Variants in ZFP90 observed in about 807,000 individuals in gnomAD.
The protein encoded by ZFP90 is zinc finger protein 90 homolog.
A neutral mutation model predicts 60.8 loss-of-function variants in ZFP90; 38 were observed. The ratio of observed to expected loss-of-function variants is 0.62; its 90% confidence interval spans 0.48 to 0.82. ZFP90 has a LOEUF of 0.82. Ranked by LOEUF, ZFP90 falls within the 40% of genes least tolerant of loss-of-function variation. The probability of loss-of-function intolerance (pLI) is 0.00; values close to 1 mark genes in which losing one functional copy is unlikely to be tolerated. For missense variants in ZFP90, 711 were observed against 759.1 expected (o/e 0.94, Z 0.74); for synonymous variants, 287 against 264.8 (o/e 1.08, Z -0.82).
chr16:68,562,463 C>A, intron 4 of ZFP90: 2 of 151,686 alleles, frequency 1.3e-5, no homozygotes, highest in Non-Finnish European at 1.5e-5. Context: ...TAGATGAAAA[C>A]CACAGTACCA....
At position 68,573,291 on chromosome 16, in the gene ZFP90, CAGAG is replaced by C. The variant is rs748451887; in HGVS notation, c.224-2497_224-2494del. On this transcript the variant is annotated intron_variant, in intron 2 of 2. Coordinates refer to the ZFP90 transcript ENST00000573113. ...TAGGCTGCCCTGCTGTGAATCGACA[CAGAG>C]AGCTGGGATGAAGCTGGACCCAGGG... Among the ~76,000 whole-genome samples, 15 of 152,332 alleles carry C rather than the reference CAGAG, an allele frequency of 9.8e-5. No homozygotes were observed. The Middle Eastern group carries it at 0.01, about 104-fold the overall frequency.
chr16:68,573,290 A>C (rs1182326431), intron 2 of ZFP90, among the ~76,000 whole-genome samples: 1 of 152,162 alleles, frequency 6.6e-6, no homozygotes, highest in Non-Finnish European at 1.5e-5. Flanking sequence ...GTGAATCGAC[A>C]CAGAGAGCTG....
At chr16:68,540,209 C>T (rs1301686627) in intron 2 of ZFP90, among the ~76,000 whole-genome samples, 3 of 152,024 alleles carry the variant, frequency 2.0e-5, no homozygotes, top group Admixed American at 1.3e-4. Context: ...GAGAGAGGAG[C>T]CCCAGCTTCT....
At chr16:68,570,068 G>A (rs1436453782), downstream of ZFP90, among the ~76,000 whole-genome samples, 1 of 151,412 alleles carries the variant, frequency 6.6e-6, no homozygotes, top group Non-Finnish European at 1.5e-5. Flanking sequence ...GTGTGTGTGT[G>A]TGCTATATCC....
At position 68,545,441 on chromosome 16, in the gene ZFP90, A is replaced by G. The variant is rs543605052; in HGVS notation, c.33+5616A>G. Among the ~76,000 whole-genome samples, 26 of 152,334 alleles carry G rather than the reference A, an allele frequency of 1.7e-4. No homozygotes were observed. The South Asian group carries it at 4.8e-3, about 28-fold the overall frequency. ...TTTTATTTTCTGATAAAATGATTAC[A>G]TGAAACAATGTGATTTGCACTGAAC... On this transcript the variant is annotated intron_variant, in intron 2 of 4. Transcript: ENST00000563169.
At chr16:68,543,747 G>C (rs1359415370) in intron 2 of ZFP90, among the ~76,000 whole-genome samples, 1 of 151,594 alleles carries the variant, frequency 6.6e-6, no homozygotes, top group Non-Finnish European at 1.5e-5. Flanking sequence ...TTTTGGTACA[G>C]ACAGGGTTTC....
chr16:68,563,781 C>G lies in ZFP90; in HGVS notation c.994C>G (p.His332Asp). The change falls in exon 5 of 5, where the codon CAC becomes GAC. Residue 332 changes from histidine (H) to aspartate (D), a missense_variant. Coordinates refer to ENST00000563169, the MANE Select transcript of ZFP90 (RefSeq NM_001305203.2). ...CTCCCTTGTTCAACACCAGCGAATT[C>G]ACACTGGAGAGAAACCCTATCGATG... is the stretch of plus-strand genomic sequence containing the variant. Reference protein sequence around the residue: ...SSSLVQHQRIHTGEKPYRCNL... With the variant: ...SSSLVQHQRIDTGEKPYRCNL... The G allele has an allele frequency of 6.2e-7, 1 of 1,614,160 alleles. No homozygotes were observed.
intron 4 of ZFP90, among the ~76,000 whole-genome samples, chr16:68,560,846 G>A (rs2091429657): frequency 6.7e-6 from 1 of 149,536 alleles, no homozygotes; most frequent in South Asian, 2.1e-4. Context: ...TTACAAGCCT[G>A]AGCCACCATG....
downstream of ZFP90, among the ~76,000 whole-genome samples, chr16:68,568,446 A>G (rs1274560644): frequency 3.3e-5 from 5 of 152,214 alleles, no homozygotes; most frequent in Admixed American, 1.3e-4. Context: ...ACTGCTGGCA[A>G]GAGGGTAACT....
downstream of ZFP90, among the ~76,000 whole-genome samples, chr16:68,571,423 C>T (rs1597760099): frequency 6.6e-6 from 1 of 152,236 alleles, no homozygotes; most frequent in Admixed American, 6.5e-5. Flanking sequence ...CATAGGTATT[C>T]GTTGTATGTG....
chr16:68,537,921 G>T (rs1425381395), upstream of ZFP90, among the ~76,000 whole-genome samples: 2 of 151,140 alleles, frequency 1.3e-5, no homozygotes, highest in Non-Finnish European at 2.9e-5. Flanking sequence ...TTTTTGTTTT[G>T]TTTTTTTTGA....
chr16:68,566,931 C>G lies in ZFP90; in HGVS notation c.*2233C>G, dbSNP rs1368084287. 1.0e-6 allele frequency: 1 copy of G among 985,468 alleles called. No homozygotes were observed. 61.0% of individuals were successfully genotyped at this position (985,468 alleles called of 1,614,324 possible). On this transcript the variant is annotated 3_prime_UTR_variant, in exon 5 of 5. Transcript: ENST00000563169. Reference sequence around the variant, plus strand: ...TTGTGTTTGGTGCTTGGCCTAGATCCAGCCACCACTCTGAAACTCAGCACA... The same window carrying G: ...TTGTGTTTGGTGCTTGGCCTAGATCGAGCCACCACTCTGAAACTCAGCACA...
chr16:68,570,182 T>C (rs1395110463), downstream of ZFP90, among the ~76,000 whole-genome samples: 1 of 152,188 alleles, frequency 6.6e-6, no homozygotes, highest in East Asian at 1.9e-4. Context: ...CCATTCGCTC[T>C]TGTACCCACT....
At chr16:68,553,109 G>T (rs1470503326) in intron 2 of ZFP90, among the ~76,000 whole-genome samples, 1 of 152,116 alleles carries the variant, frequency 6.6e-6, no homozygotes, top group African/African-American at 2.4e-5. Context: ...GTCTGTTCTA[G>T]ACAATGGAGA....
At chr16:68,561,505 T>C (rs1005091233) in intron 4 of ZFP90, among the ~76,000 whole-genome samples, 8 of 152,170 alleles carry the variant, frequency 5.3e-5, no homozygotes, top group African/African-American at 1.9e-4. Flanking sequence ...ACAACAAATA[T>C]CATTTATATC....
downstream of ZFP90, among the ~76,000 whole-genome samples, chr16:68,569,946 G>A (rs1490869240): frequency 6.6e-6 from 1 of 151,476 alleles, no homozygotes; most frequent in African/African-American, 2.4e-5. Context: ...AATTCCTACA[G>A]TTGTTCTCTT....
At chr16:68,560,025 C>T (rs1439325159) in intron 4 of ZFP90, among the ~76,000 whole-genome samples, 1 of 152,226 alleles carries the variant, frequency 6.6e-6, no homozygotes, top group African/African-American at 2.4e-5. Flanking sequence ...TGAGCCACTG[C>T]TGAGGTCCCA....
upstream of ZFP90, among the ~76,000 whole-genome samples, chr16:68,534,932 A>G (rs1313126551): frequency 1.3e-5 from 2 of 152,130 alleles, no homozygotes; most frequent in Non-Finnish European, 2.9e-5. Context: ...AAATAAAATA[A>G]ATTTTTGAAA....
At chr16:68,542,921 G>C (rs1040711351) in intron 2 of ZFP90, among the ~76,000 whole-genome samples, 2 of 152,176 alleles carry the variant, frequency 1.3e-5, no homozygotes, top group East Asian at 1.9e-4. Context: ...TTACATTCTA[G>C]AGAGGACAGA....
Sources: gnomAD v4.1 joint callset for allele counts (sites outside exome capture counted in the v4.1 genomes callset) on GRCh38, gnomAD v4.1.1 for gene constraint, MANE v1.5 for transcripts, NCBI Gene and HGNC (gene_info 2026-07-23, HGNC 2026-07-21) for gene names.